AMZ2: variants seen among roughly 807,000 people sequenced by gnomAD.
The protein encoded by AMZ2 is archaemetzincin-2.
AMZ2 carries 26 observed loss-of-function variants against 36.7 expected under a neutral mutation model. That is an observed-to-expected ratio of 0.71 (90% CI 0.52 to 0.98). The LOEUF is 0.98. AMZ2 is among the 50% of genes least tolerant of loss of function. The probability of loss-of-function intolerance (pLI) is 0.00; values close to 1 mark genes in which losing one functional copy is unlikely to be tolerated. For synonymous variants in AMZ2, 144 were observed against 149.1 expected (o/e 0.97, Z 0.25); for missense variants, 394 against 430.5 (o/e 0.92, Z 0.75).
In AMZ2 at chr17:68,254,515, A is replaced by G; in HGVS notation, c.698A>G (p.Asp233Gly). ...TCTTCAAGTGACTATTCAATTTTCG[A>G]CAACTATTATATTCCAGAAATAACT... The part of the protein sequence containing the change: ...KTSSSDYSIF[D>G]NYYIPEITSV... The change falls in exon 5 of 7, where the codon GAC becomes GGC. Residue 233 changes from aspartate to glycine, a missense_variant. Asp to Gly is a moderately conservative substitution (Grantham distance 94). Transcript: ENST00000359904. 1 of 1,613,458 alleles carries G rather than the reference A, an allele frequency of 6.2e-7. No homozygotes were observed.
chr17:68,248,173 C>T lies in AMZ2; in HGVS notation c.-533C>T. On this transcript the variant is annotated 5_prime_UTR_variant, in exon 1 of 7. Transcript: ENST00000359904. ...GGGCCCCTAGGCAGGGTAGCCGGGT[C>T]GTAGAGGCGGGGGCCGGTCGCGGTC... 1.0e-6 allele frequency: 1 copy of T among 986,364 alleles called. No homozygotes were observed. The highest frequency in any genetic ancestry group is 1.2e-6 in the Non-Finnish European group (1 of 830,660). The allele number at this position is 986,364 out of a possible 1,614,324, so 61.1% of individuals were successfully genotyped here.
intron 1 of AMZ2, among the ~76,000 whole-genome samples, chr17:68,238,129 G>A (rs1158675797): frequency 6.6e-6 from 1 of 152,168 alleles, no homozygotes; most frequent in Non-Finnish European, 1.5e-5. Context: ...AGAGGCTGGG[G>A]ACATCACCAA....
chr17:68,223,739 G>A (rs12943450), intron 1 of AMZ2, among the ~76,000 whole-genome samples: 52,025 of 150,120 alleles, frequency 0.35, 9,859 homozygotes, highest in African/African-American at 0.52. Flanking sequence ...GTTTTGAGAC[G>A]GAGTCACGCT....
At chr17:68,245,494 T>G (rs553239223), upstream of AMZ2, among the ~76,000 whole-genome samples, 12 of 152,116 alleles carry the variant, frequency 7.9e-5, no homozygotes, top group Admixed American at 4.6e-4. Flanking sequence ...TGATTCTCCT[T>G]TCTCCTGTCT....
At chr17:68,210,020 TAAAAAA>T (rs1293242512) in intron 1 of AMZ2, among the ~76,000 whole-genome samples, 2 of 151,846 alleles carry the variant, frequency 1.3e-5, no homozygotes, top group African/African-American at 4.8e-5. Flanking sequence ...CTGTAATGTT[TAAAAAA>T]AATAAAAATA....
chr17:68,223,778 T>A (rs1555729141), intron 1 of AMZ2, among the ~76,000 whole-genome samples: 1 of 151,614 alleles, frequency 6.6e-6, no homozygotes. Context: ...TGCAGTGGTG[T>A]GATCTTCGCT....
At chr17:68,247,891 T>A (rs2144683669), upstream of AMZ2, 1 of 985,426 alleles carries the variant, frequency 1.0e-6, no homozygotes, top group Middle Eastern at 5.2e-4. Context: ...TCGCGGCCGC[T>A]GAACTCCAGC....
rs2073134974 is a variant in AMZ2, at chr17:68,214,088, C to T, written c.-67+7850C>T. Among the ~76,000 whole-genome samples the T allele has an allele frequency of 2.2e-5, 3 of 135,666 alleles. No homozygotes were observed. The South Asian group carries it at 7.1e-4, about 32-fold the overall frequency. 89.0% of individuals were successfully genotyped at this position (135,666 alleles called of 152,430 possible). On this transcript the variant is annotated intron_variant, in intron 1 of 7. Coordinates refer to the AMZ2 transcript ENST00000674770. ...TCTGTTTCTTCTAAGTTGCTGCTTCCTATTCTTTTTTTTTTTTATTTCTTC... is the reference window on the plus strand; with the variant it reads ...TCTGTTTCTTCTAAGTTGCTGCTTCTTATTCTTTTTTTTTTTTATTTCTTC...
chr17:68,209,197 CTTT>C (rs34960416), intron 1 of AMZ2, among the ~76,000 whole-genome samples: 202 of 141,960 alleles, frequency 1.4e-3, no homozygotes, highest in Non-Finnish European at 2.0e-3. Context: ...AATTTTAGTA[CTTT>C]TTTTTTTTTT....
At chr17:68,247,041 TA>T (rs112043600), upstream of AMZ2, 211 of 137,044 alleles carry the variant, frequency 1.5e-3, no homozygotes, top group Non-Finnish European at 1.5e-3. Flanking sequence ...AAACCCGTAT[TA>T]AAAAAAAAAA....
At chr17:68,244,113 T>G (rs1387797073), upstream of AMZ2, among the ~76,000 whole-genome samples, 1 of 152,178 alleles carries the variant, frequency 6.6e-6, no homozygotes, top group African/African-American at 2.4e-5. Context: ...GCAAAGGACA[T>G]CATACATATG....
intron 1 of AMZ2, among the ~76,000 whole-genome samples, chr17:68,218,861 A>C (rs1333014163): frequency 6.6e-6 from 1 of 152,214 alleles, no homozygotes; most frequent in African/African-American, 2.4e-5. Flanking sequence ...TATGCCTTTA[A>C]AATAAATATT....
upstream of AMZ2, chr17:68,248,037 T>A: frequency 6.1e-6 from 6 of 986,362 alleles, no homozygotes; most frequent in Non-Finnish European, 7.2e-6. Context: ...GGGCGTGGCG[T>A]GGCGCAGTGC....
intron 1 of AMZ2, chr17:68,248,947 A>T: frequency 8.2e-6 from 6 of 727,536 alleles, no homozygotes; most frequent in Non-Finnish European, 1.1e-5. Flanking sequence ...AAATCTAAAT[A>T]ATTAGAAAAT....
intron 4 of AMZ2, among the ~76,000 whole-genome samples, chr17:68,252,984 T>C (rs1390487027): frequency 3.3e-5 from 5 of 152,224 alleles, no homozygotes; most frequent in African/African-American, 1.2e-4. Context: ...AAGATTTACA[T>C]AGGAAAGTAG....
intron 1 of AMZ2, among the ~76,000 whole-genome samples, chr17:68,232,618 G>C (rs2073692556): frequency 6.6e-6 from 1 of 152,142 alleles, no homozygotes; most frequent in African/African-American, 2.4e-5. Context: ...ACAAGTGGGT[G>C]GTTCGCTTGA....
At chr17:68,230,294 G>A (rs1333662734) in intron 1 of AMZ2, among the ~76,000 whole-genome samples, 1 of 152,126 alleles carries the variant, frequency 6.6e-6, no homozygotes, top group South Asian at 2.1e-4. Flanking sequence ...GGCTGGTCTC[G>A]AACTCCTGAC....
In AMZ2 at chr17:68,220,831, G is replaced by A. The variant is rs528855693; in HGVS notation, c.-67+14593G>A. ...GGTCTCAATCTGTCTCGCCCAGGCT[G>A]GGGTGCAGTGGTGCGATCTCGGCTC... On this transcript the variant is annotated intron_variant, in intron 1 of 7. Transcript: ENST00000674770. Among the ~76,000 whole-genome samples, 83 of 146,104 alleles carry A rather than the reference G, an allele frequency of 5.7e-4. No individual in the cohort carries two copies. The South Asian group carries it at 0.01, about 18-fold the overall frequency.
intron 1 of AMZ2, among the ~76,000 whole-genome samples, chr17:68,242,107 C>G (rs2073914398): frequency 1.3e-5 from 2 of 151,818 alleles, no homozygotes; most frequent in Admixed American, 1.3e-4. Flanking sequence ...GGTTGTTAAT[C>G]TAAATGAATC....
Sources: allele counts gnomAD v4.1 joint callset (sites outside exome capture counted in the v4.1 genomes callset), GRCh38; gene constraint gnomAD v4.1.1; transcripts MANE v1.5; gene names NCBI Gene and HGNC (gene_info 2026-07-23, HGNC 2026-07-21).